Variants in NFU1 observed in about 807,000 individuals in gnomAD.
NFU1 encodes NFU1 iron-sulfur cluster scaffold homolog, mitochondrial.
A neutral mutation model predicts 32.2 loss-of-function variants in NFU1; 30 were observed. The observed-to-expected ratio is 0.93, with a 90% CI of 0.70 to 1.26. The LOEUF (loss-of-function observed/expected upper bound fraction) is 1.26. NFU1 is among the 50% of genes most tolerant of loss of function. NFU1 has a pLI of 0.00. For synonymous variants in NFU1, 112 were observed against 104.6 expected, an observed-to-expected ratio of 1.07 and a Z score of -0.43; for missense variants, 306 against 306.6, an observed-to-expected ratio of 1.00 and a Z score of 0.02.
Position 69,396,224 on chromosome 2 carries a change from C to T in NFU1, c.*22G>A. ...ATTATCAACAAGTCTGACTGTTATG[C>T]CCAAAGAAAATCCAGATTATTTTAA... On this transcript the variant is annotated 3_prime_UTR_variant, in exon 8 of 8. Transcript: ENST00000410022. 6.2e-7 allele frequency: 1 copy of T among 1,601,708 alleles called. No individual in the cohort carries two copies. Among genetic ancestry groups the T allele is most frequent in the Non-Finnish European group, 8.5e-7 (1 of 1,169,670 alleles).
chr2:69,415,290 C>A lies in NFU1; in HGVS notation c.379G>T (p.Glu127Ter). 6.3e-7 allele frequency: 1 copy of A among 1,584,316 alleles called. No homozygotes were observed. The highest frequency in any genetic ancestry group is 1.1e-5 in the South Asian group (1 of 90,228). ...GGTTTCAGTAAATTCCAGTCTAATT[C>A]TTCATTTTCCTATAAACATTTAAAG... ...DFITVTKENE[E>*]LDWNLLKPDI... The change falls in exon 5 of 8, where the codon GAA (glutamate) becomes TAA (stop). Residue 127 changes from glutamate to a stop codon, truncating the protein, a stop_gained. Transcript: ENST00000410022. LOFTEE classifies it high-confidence loss of function.
At chr2:69,410,368 A>G (rs1012706242) in intron 5 of NFU1, among the ~76,000 whole-genome samples, 1 of 152,144 alleles carries the variant, frequency 6.6e-6, no homozygotes, top group Non-Finnish European at 1.5e-5. Context: ...CAGCCTGGGC[A>G]ACAAAGCAAG....
At chr2:69,417,693 T>C (rs1377554175) in intron 4 of NFU1, among the ~76,000 whole-genome samples, 1 of 151,936 alleles carries the variant, frequency 6.6e-6, no homozygotes, top group Non-Finnish European at 1.5e-5. Context: ...CACACATACA[T>C]ATATGTGTAT....
At position 69,400,906 on chromosome 2, in the gene NFU1, C is replaced by T. The variant is rs138384154; in HGVS notation, c.546-368G>A. Among the ~76,000 whole-genome samples the T allele has an allele frequency of 1.8e-4, 27 of 152,282 alleles. No homozygotes were observed. The East Asian group carries it at 5.0e-3, about 28-fold the overall frequency. On this transcript the variant is annotated intron_variant, in intron 6 of 7. Coordinates refer to ENST00000410022, the MANE Select transcript of NFU1 (RefSeq NM_001002755.4). ...TGGAAGCTGCAGTGAGCTATTATCA[C>T]ACCAGTGCACTCCAGCTTGGGTGAC...
intron 4 of NFU1, among the ~76,000 whole-genome samples, chr2:69,416,394 A>G (rs1673056422): frequency 6.7e-6 from 1 of 148,612 alleles, no homozygotes. Context: ...TAATTCATTC[A>G]CTTTCATTGT....
chr2:69,415,216 C>T lies in NFU1; in HGVS notation c.453G>A (p.Leu151=), dbSNP rs1295672683. 1 of 1,611,566 alleles carries T rather than the reference C, an allele frequency of 6.2e-7. No homozygotes were observed. Among genetic ancestry groups the T allele is most frequent in the Non-Finnish European group, 8.5e-7 (1 of 1,177,782 alleles). ...IMDFFASGLP[L]VTEETPSGEA... ...CTCCTGAAGGTGTTTCCTCAGTAACCAGGGGTAAGCCAGATGCAAAGAAGT... is the reference window on the plus strand; with the variant it reads ...CTCCTGAAGGTGTTTCCTCAGTAACTAGGGGTAAGCCAGATGCAAAGAAGT... Residue 151 remains leucine (L), a synonymous_variant, in exon 5 of 8, where the codon CTG becomes CTA. Transcript: ENST00000410022.
chr2:69,427,558 T>C (rs552047523), intron 2 of NFU1, among the ~76,000 whole-genome samples: 13 of 150,920 alleles, frequency 8.6e-5, no homozygotes, highest in African/African-American at 3.2e-4. Context: ...TGTGCGTCCG[T>C]AGTCCCAGCT....
chr2:69,434,476 A>G (rs1673761623), intron 1 of NFU1, among the ~76,000 whole-genome samples: 1 of 152,180 alleles, frequency 6.6e-6, no homozygotes. Context: ...AGAAAACTTA[A>G]TTGGCTATTT....
intron 5 of NFU1, among the ~76,000 whole-genome samples, chr2:69,414,688 T>C (rs1672996776): frequency 6.6e-6 from 1 of 151,002 alleles, no homozygotes; most frequent in Admixed American, 6.6e-5. Context: ...ATATATTCCC[T>C]GCAGAGACTT....
rs561891616 is a variant in NFU1, at chr2:69,415,367, T to C, written c.370-68A>G. The C allele has an allele frequency of 2.3e-5, 19 of 840,550 alleles. No individual in the cohort carries two copies. In the African/African-American group the frequency reaches 3.3e-4, roughly 15 times the overall value. 52.1% of individuals were successfully genotyped at this position (840,550 alleles called of 1,614,324 possible). On this transcript the variant is annotated intron_variant, in intron 4 of 7. Coordinates refer to ENST00000410022, the MANE Select transcript of NFU1 (RefSeq NM_001002755.4). ...CAAAGACCCATACAGAACACTACCT[T>C]ATACCTCTTTTTTCTTTTTTTTTTT...
chr2:69,430,406 G>A (rs892234008), intron 2 of NFU1, among the ~76,000 whole-genome samples: 1 of 152,002 alleles, frequency 6.6e-6, no homozygotes, highest in African/African-American at 2.4e-5. Flanking sequence ...TAAAGACAGG[G>A]TTTGACCATG....
intron 5 of NFU1, among the ~76,000 whole-genome samples, chr2:69,414,058 A>G (rs1672975579): frequency 6.6e-6 from 1 of 152,142 alleles, no homozygotes; most frequent in Non-Finnish European, 1.5e-5. Context: ...AAAAATAAAT[A>G]AATAAAAATA....
At chr2:69,417,856 G>GA (rs796236251) in intron 4 of NFU1, among the ~76,000 whole-genome samples, 3,775 of 123,780 alleles carry the variant, frequency 0.03, 150 homozygotes, top group African/African-American at 0.098. Context: ...AGAAAAATAG[G>GA]AAAAAAAAAA....
At chr2:69,418,559 C>T (rs1013131317) in intron 4 of NFU1, among the ~76,000 whole-genome samples, 8 of 152,132 alleles carry the variant, frequency 5.3e-5, no homozygotes, top group South Asian at 2.1e-4. Context: ...CTCCGCCTCC[C>T]GGGTTCACGC....
chr2:69,415,118 TA>T, intron 5 of NFU1, 66 bp downstream of exon 5: 1 of 825,836 alleles, frequency 1.2e-6, no homozygotes, highest in Non-Finnish European at 2.1e-6. Flanking sequence ...GAAATCAAGG[TA>T]AATGTGAAGA....
rs1467326749 is a variant in NFU1 at position 69,423,709 on chromosome 2, T to C, written c.175A>G (p.Met59Val). 5 of 1,597,978 alleles carry C rather than the reference T, an allele frequency of 3.1e-6. No individual in the cohort carries two copies. Among genetic ancestry groups the C allele is most frequent in the African/African-American group, 1.3e-5 (1 of 74,558 alleles). ...PAAFYHPVRY[M>V]FIQTQDTPNP... ...GGGGTATCTTGTGTTTGAATAAACATGTATCTCACTAAAAAAGAAAAAGAA... is the reference window on the plus strand; with the variant it reads ...GGGGTATCTTGTGTTTGAATAAACACGTATCTCACTAAAAAAGAAAAAGAA... Residue 59 changes from methionine (M) to valine (V), a missense_variant, in exon 3 of 8, where the codon ATG (methionine) becomes GTG (valine). Coordinates refer to ENST00000410022, the MANE Select transcript of NFU1 (RefSeq NM_001002755.4).
rs1308390720 is a variant in NFU1, at chr2:69,419,531, T to A, written c.369+7A>T. On this transcript the variant is annotated splice_region_variant and intron_variant, in intron 4 of 7. Coordinates refer to ENST00000410022, the MANE Select transcript of NFU1 (RefSeq NM_001002755.4). ...TCAAGTCTTATTTTATATAATCCTA[T>A]GTTTACCTTTGTGACAGTGATGAAA... The A allele has an allele frequency of 1.3e-6, 2 of 1,499,318 alleles. No individual in the cohort carries two copies. The highest frequency in any genetic ancestry group is 4.5e-5 in the East Asian group (2 of 44,202). 92.9% of individuals were successfully genotyped at this position (1,499,318 alleles called of 1,614,324 possible).
chr2:69,416,403 G>A (rs1673056893), intron 4 of NFU1, among the ~76,000 whole-genome samples: 1 of 148,166 alleles, frequency 6.7e-6, no homozygotes, highest in African/African-American at 2.5e-5. Context: ...CACTTTCATT[G>A]TTTTAATTTG....
chr2:69,397,618 T>TA (rs34318442), intron 7 of NFU1, among the ~76,000 whole-genome samples: 16,982 of 150,814 alleles, frequency 0.11, 1,201 homozygotes, highest in Non-Finnish European at 0.15. Context: ...TTTTTTTTTT[T>TA]AAAAAAAATC....
Sources: allele counts gnomAD v4.1 joint callset (sites outside exome capture counted in the v4.1 genomes callset), GRCh38; gene constraint gnomAD v4.1.1; transcripts MANE v1.5; gene names NCBI Gene and HGNC (gene_info 2026-07-23, HGNC 2026-07-21).